The following FRS2 variants were observed in gnomAD, a reference collection of about 807,000 sequenced individuals.
The protein encoded by FRS2 is FGFR signalling adaptor.
FRS2 carries 8 observed loss-of-function variants against 43.9 expected under a neutral mutation model. That is an observed-to-expected ratio of 0.18 (90% CI 0.11 to 0.33). The LOEUF (loss-of-function observed/expected upper bound fraction) is 0.33, where lower values mean the gene tolerates loss of function less well. FRS2 is among the 10% of genes least tolerant of loss of function. The probability of loss-of-function intolerance (pLI) is 1.00; values close to 1 mark genes in which losing one functional copy is unlikely to be tolerated. For synonymous variants in FRS2, 219 were observed against 220.3 expected, an observed-to-expected ratio of 0.99 and a Z score of 0.05; for missense variants, 534 against 627.6, an observed-to-expected ratio of 0.85 and a Z score of 1.59.
rs941367816 is a variant in FRS2, at chr12:69,485,109, A to ACGCG, written c.-261+14580_-261+14581insGCGC. Among the ~76,000 whole-genome samples, 691 of 148,752 alleles carry ACGCG rather than the reference A, an allele frequency of 4.6e-3. 11 individuals carry two copies. The highest frequency in any genetic ancestry group is 0.019 in the East Asian group (92 of 4,946). On this transcript the variant is annotated intron_variant, in intron 1 of 8. Coordinates refer to ENST00000549921, the MANE Select transcript of FRS2 (RefSeq NM_001278356.2). ...CACACACACACACACACACACACACACACACACACACACACACACACACAC... is the reference window on the plus strand; with the variant it reads ...CACACACACACACACACACACACACACGCGCACACACACACACACACACACACAC...
intron 3 of FRS2, among the ~76,000 whole-genome samples, chr12:69,543,794 G>T (rs1878126530): frequency 6.6e-6 from 1 of 152,160 alleles, no homozygotes; most frequent in Admixed American, 6.5e-5. Flanking sequence ...GTGTATTCTA[G>T]AAACAGCAAG....
At chr12:69,553,778 T>C (rs1879110936) in intron 3 of FRS2, among the ~76,000 whole-genome samples, 2 of 152,158 alleles carry the variant, frequency 1.3e-5, no homozygotes, top group East Asian at 3.9e-4. Flanking sequence ...AGGAAAGAAG[T>C]AGGGAAGAAA....
At chr12:69,476,407 C>G (rs1477015086) in intron 1 of FRS2, among the ~76,000 whole-genome samples, 1 of 152,116 alleles carries the variant, frequency 6.6e-6, no homozygotes, top group East Asian at 1.9e-4. Context: ...TAAGTTATTA[C>G]TCTGTTGATT....
chr12:69,546,973 T>A (rs1878465993), intron 3 of FRS2, among the ~76,000 whole-genome samples: 2 of 152,226 alleles, frequency 1.3e-5, no homozygotes, highest in South Asian at 4.1e-4. Flanking sequence ...CAAGTGTTCA[T>A]TGACAGATGA....
intron 3 of FRS2, among the ~76,000 whole-genome samples, chr12:69,536,550 T>TCA (rs1342586400): frequency 6.6e-6 from 1 of 151,382 alleles, no homozygotes; most frequent in East Asian, 2.0e-4. Flanking sequence ...TCAATTGTGT[T>TCA]ACCGATAGAT....
chr12:69,540,280 T>A (rs1418657016), intron 3 of FRS2, among the ~76,000 whole-genome samples: 2 of 149,702 alleles, frequency 1.3e-5, no homozygotes, highest in Admixed American at 1.3e-4. Context: ...TTAAAAAAAA[T>A]TAAAAAATAA....
At chr12:69,493,687 C>G (rs912032136) in intron 1 of FRS2, among the ~76,000 whole-genome samples, 3 of 152,302 alleles carry the variant, frequency 2.0e-5, no homozygotes. Flanking sequence ...CGCCATTGCA[C>G]TCCAGCCTGG....
chr12:69,489,758 T>C, intron 1 of FRS2, among the ~76,000 whole-genome samples: 1 of 151,856 alleles, frequency 6.6e-6, no homozygotes, highest in African/African-American at 2.4e-5. Context: ...ATATCACATA[T>C]TCTGAGGTGT....
At chr12:69,554,482 T>A (rs1208909366) in intron 3 of FRS2, among the ~76,000 whole-genome samples, 2 of 152,190 alleles carry the variant, frequency 1.3e-5, no homozygotes, top group Non-Finnish European at 2.9e-5. Flanking sequence ...TAGAATAATT[T>A]TAGAATGTTA....
intron 3 of FRS2, among the ~76,000 whole-genome samples, chr12:69,537,040 C>A (rs1472452171): frequency 2.6e-5 from 4 of 152,034 alleles, no homozygotes; most frequent in African/African-American, 9.6e-5. Flanking sequence ...ATTATTTATT[C>A]TTTTAGTGGT....
intron 3 of FRS2, among the ~76,000 whole-genome samples, chr12:69,560,667 A>G (rs1879802998): frequency 1.3e-5 from 2 of 152,216 alleles, no homozygotes; most frequent in Non-Finnish European, 2.9e-5. Context: ...GATAATCCAA[A>G]TGACTCTATG....
chr12:69,532,195 T>G (rs1876867785), intron 3 of FRS2, 139 bp downstream of exon 3: 1 of 152,256 alleles, frequency 6.6e-6, no homozygotes, highest in Admixed American at 6.5e-5. Context: ...TATTAGCCAC[T>G]GTTTTACTAT....
chr12:69,532,748 T>A (rs1025336340), intron 3 of FRS2, among the ~76,000 whole-genome samples: 1 of 152,224 alleles, frequency 6.6e-6, no homozygotes, highest in Non-Finnish European at 1.5e-5. Context: ...TAGGGCTTTT[T>A]AAAATAAGTA....
chr12:69,524,776 T>C (rs1217078341), intron 1 of FRS2, among the ~76,000 whole-genome samples: 1 of 152,168 alleles, frequency 6.6e-6, no homozygotes, highest in African/African-American at 2.4e-5. Context: ...GTTCTGCTAC[T>C]ACCACTTCTC....
At chr12:69,568,721 T>G (rs1880502183) in intron 4 of FRS2, among the ~76,000 whole-genome samples, 1 of 91,798 alleles carries the variant, frequency 1.1e-5, no homozygotes, top group African/African-American at 7.6e-5. Context: ...AGACCTTAAG[T>G]TGGTTTTTTT....
intron 1 of FRS2, among the ~76,000 whole-genome samples, chr12:69,485,082 AACACACACACACACACAC>A (rs71094716): frequency 3.6e-4 from 31 of 85,302 alleles, no homozygotes; most frequent in South Asian, 6.7e-4. Context: ...CTCATCTTAA[AACACACACACACACACAC>A]ACACACACAC....
intron 1 of FRS2, among the ~76,000 whole-genome samples, chr12:69,474,720 G>A (rs1345120215): frequency 6.6e-6 from 1 of 152,182 alleles, no homozygotes; most frequent in Admixed American, 6.5e-5. Flanking sequence ...AGCTATGTTA[G>A]CTTGTTTCTT....
At chr12:69,484,302 T>C (rs1437829949) in intron 1 of FRS2, among the ~76,000 whole-genome samples, 1 of 152,130 alleles carries the variant, frequency 6.6e-6, no homozygotes, top group Admixed American at 6.5e-5. Flanking sequence ...GCCAGGATGG[T>C]CTCGATCTCC....
At chr12:69,491,834 ATATTG>A (rs2120943671) in intron 1 of FRS2, among the ~76,000 whole-genome samples, 1 of 152,250 alleles carries the variant, frequency 6.6e-6, no homozygotes, top group Admixed American at 6.5e-5. Flanking sequence ...GATTTAATGA[ATATTG>A]TATACATATT....
Sources: allele counts gnomAD v4.1 joint callset (sites outside exome capture counted in the v4.1 genomes callset), GRCh38; gene constraint gnomAD v4.1.1; transcripts MANE v1.5; gene names NCBI Gene and HGNC (gene_info 2026-07-23, HGNC 2026-07-21).